C14orf39: variants seen among roughly 807,000 people sequenced by gnomAD.
The protein encoded by C14orf39 is protein SIX6OS1.
In C14orf39, 66 loss-of-function variants were observed where a neutral mutation model predicts 85.6. The observed-to-expected ratio is 0.77, with a 90% CI of 0.63 to 0.95. The LOEUF (loss-of-function observed/expected upper bound fraction) is 0.95, where lower values mean the gene tolerates loss of function less well. Among genes scored for constraint, C14orf39 ranks in the 40% least tolerant of loss-of-function variants. C14orf39 has a pLI of 0.00. For missense variants in C14orf39, 735 were observed against 663.9 expected, an observed-to-expected ratio of 1.11 and a Z score of -1.18; for synonymous variants, 242 against 214.0, an observed-to-expected ratio of 1.13 and a Z score of -1.14.
At chr14:60,503,638 T>C (rs1465287349) in intron 1 of C14orf39, among the ~76,000 whole-genome samples, 1 of 152,202 alleles carries the variant, frequency 6.6e-6, no homozygotes, top group Non-Finnish European at 1.5e-5. Flanking sequence ...CTTTCAACCA[T>C]TGTTCTCTGT....
chr14:60,513,697 C>T (rs1189029511), intron 1 of C14orf39, among the ~76,000 whole-genome samples: 1 of 152,168 alleles, frequency 6.6e-6, no homozygotes, highest in Non-Finnish European at 1.5e-5. Context: ...CTAAAAATCC[C>T]ACTCCACCCA....
In C14orf39 at chr14:60,491,535, A is replaced by G. The variant is rs1301646732; in HGVS notation, c.-8-6449T>C. Among the ~76,000 whole-genome samples the G allele has an allele frequency of 6.6e-6, 1 of 152,208 alleles. No individual in the cohort carries two copies. Among genetic ancestry groups the G allele is most frequent in the African/African-American group, 2.4e-5 (1 of 41,436 alleles). The stretch of plus-strand genomic sequence containing the variant: ...CTTCATCCTTTTCATTAATGAGACC[A>G]GAATCTATTTGTGCATACCAGAAAC... On this transcript the variant is annotated intron_variant, in intron 2 of 5. Transcript: ENST00000556799. The surrounding 1 kb of genome is among the most constrained non-coding windows in gnomAD (Gnocchi z 4.5).
chr14:60,438,842 T>C (rs1021031148), intron 17 of C14orf39, among the ~76,000 whole-genome samples: 1 of 152,096 alleles, frequency 6.6e-6, no homozygotes, highest in Non-Finnish European at 1.5e-5. Flanking sequence ...TGAGACACAC[T>C]GAGTTCCAGA....
chr14:60,468,786 T>C (rs12880313), intron 8 of C14orf39, among the ~76,000 whole-genome samples: 132,042 of 151,462 alleles, frequency 0.87, 58,053 homozygotes, highest in Non-Finnish European at 0.92. Flanking sequence ...AACAGATAAT[T>C]ATAAGCAAAG....
chr14:60,454,905 A>G, intron 16 of C14orf39, 96 bp downstream of exon 16: 1 of 943,526 alleles, frequency 1.1e-6, no homozygotes, highest in East Asian at 2.9e-5. Flanking sequence ...TTCTGTTGAT[A>G]ATCTGCCCCA....
chr14:60,441,726 A>G (rs766861067), intron 17 of C14orf39, among the ~76,000 whole-genome samples: 2 of 152,184 alleles, frequency 1.3e-5, no homozygotes, highest in Non-Finnish European at 2.9e-5. Context: ...AAGAATATCC[A>G]ATAAAAAGTA....
chr14:60,443,354 C>A (rs755462207), intron 16 of C14orf39, among the ~76,000 whole-genome samples: 6 of 152,206 alleles, frequency 3.9e-5, no homozygotes, highest in Non-Finnish European at 7.3e-5. Context: ...TAGCAACCAG[C>A]AGACCAGGAG....
chr14:60,456,985 A>G lies in C14orf39; in HGVS notation c.1290T>C (p.Thr430=), dbSNP rs753179285. The G allele has an allele frequency of 2.7e-5, 44 of 1,611,204 alleles. 1 individual carries two copies. In the Middle Eastern group the frequency reaches 5.0e-4, roughly 18 times the overall value. Residue 430 remains threonine, a synonymous_variant, in exon 15 of 18, where the codon ACT becomes ACC. Coordinates refer to ENST00000321731, the MANE Select transcript of C14orf39 (RefSeq NM_174978.3). ...RTSEIPIFLG[T]PKAVKAPESL... is the part of the protein sequence containing the mutation. ...ACTCAGGTGCTTTCACAGCTTTGGG[A>G]GTTCCTAAAAATATAGGAATTTCAG...
At chr14:60,439,930 C>G (rs1890429118) in intron 17 of C14orf39, among the ~76,000 whole-genome samples, 2 of 152,082 alleles carry the variant, frequency 1.3e-5, no homozygotes, top group South Asian at 4.1e-4. Flanking sequence ...AAAAAATTAG[C>G]TGGGCATGGT....
Position 60,507,997 on chromosome 14 carries a change from A to G in C14orf39, c.-144+7398T>C, listed in dbSNP as rs530010911. Among the ~76,000 whole-genome samples, 159 of 152,284 alleles carry G rather than the reference A, an allele frequency of 1.0e-3. 1 individual carries two copies. Among genetic ancestry groups the G allele is most frequent in the Admixed American group, 1.8e-3 (28 of 15,296 alleles). On this transcript the variant is annotated intron_variant, in intron 1 of 5. Coordinates refer to the C14orf39 transcript ENST00000556799. ...GATGTGGACTGCCAATTGGGAATCA[A>G]TAAAAGTTGCCAATTCACTCCACTA...
intron 2 of C14orf39, chr14:60,496,944 T>C (rs1355080618): frequency 2.6e-5 from 4 of 152,294 alleles, no homozygotes; most frequent in African/African-American, 9.6e-5. Flanking sequence ...CACAAGTTAT[T>C]GGAGCTGGGA....
At chr14:60,472,288 T>C (rs1892124700) in intron 5 of C14orf39, among the ~76,000 whole-genome samples, 1 of 152,102 alleles carries the variant, frequency 6.6e-6, no homozygotes, top group Non-Finnish European at 1.5e-5. Flanking sequence ...ATGAAGAAAA[T>C]TTTATCACAG....
At chr14:60,507,495 T>C (rs2140186003) in intron 1 of C14orf39, among the ~76,000 whole-genome samples, 1 of 152,322 alleles carries the variant, frequency 6.6e-6, no homozygotes, top group East Asian at 1.9e-4. Context: ...GAAAATGAAC[T>C]CTTAGAAAAG....
intron 1 of C14orf39, among the ~76,000 whole-genome samples, chr14:60,504,500 A>G (rs1893181505): frequency 6.6e-6 from 1 of 152,260 alleles, no homozygotes; most frequent in Non-Finnish European, 1.5e-5. Context: ...AAAATTGTCA[A>G]AAATAACCTG....
Position 60,458,763 on chromosome 14 carries a change from ATTTTTC to A in C14orf39, c.1118-30_1118-25del, listed in dbSNP as rs1186826116. On this transcript the variant is annotated intron_variant, in intron 13 of 17. Coordinates refer to ENST00000321731, the MANE Select transcript of C14orf39 (RefSeq NM_174978.3). The stretch of plus-strand genomic sequence containing the variant: ...ATCTGTTGTCATATGAGAACAAACT[ATTTTTC>A]TTTTTGTAATTTTATTGTAAAATAA... 3 of 1,545,882 alleles carry A rather than the reference ATTTTTC, an allele frequency of 1.9e-6. No individual in the cohort carries two copies. The African/African-American group carries it at 4.1e-5, about 21-fold the overall frequency.
In C14orf39 at chr14:60,504,305, T is replaced by A. The variant is rs140877875; in HGVS notation, c.-143-4875A>T. Among the ~76,000 whole-genome samples, 391 of 152,354 alleles carry A rather than the reference T, an allele frequency of 2.6e-3. 1 individual carries two copies. The highest frequency in any genetic ancestry group is 8.6e-3 in the African/African-American group (356 of 41,574). On this transcript the variant is annotated intron_variant, in intron 1 of 5. Transcript: ENST00000556799. Reference sequence around the variant, plus strand: ...TGCCTCTATTTGACTTTATAGTACTTAGAAGGAAATTATGATTTACTACAC... The same window carrying A: ...TGCCTCTATTTGACTTTATAGTACTAAGAAGGAAATTATGATTTACTACAC...
intron 14 of C14orf39, 39 bp downstream of exon 14, chr14:60,458,639 A>G: frequency 4.2e-6 from 6 of 1,444,124 alleles, no homozygotes; most frequent in Non-Finnish European, 5.8e-6. Context: ...TTAAATTGGA[A>G]TTTTTGCTTA....
At position 60,484,738 on chromosome 14, in the gene C14orf39, G is replaced by T; in HGVS notation, c.106+143C>A. ...GTTAAGTCACATCTATTTCGTCTAG[G>T]GTAAATAGTTTATTTGTCGCTAGAG... is the stretch of plus-strand genomic sequence containing the variant. On this transcript the variant is annotated intron_variant, in intron 3 of 17. Transcript: ENST00000321731. This position sits in a 1 kb window ranked among gnomAD's most constrained non-coding sequence, Gnocchi z 4.2. 1 of 592,466 alleles carries T rather than the reference G, an allele frequency of 1.7e-6. No homozygotes were observed. Among genetic ancestry groups the T allele is most frequent in the Non-Finnish European group, 2.9e-6 (1 of 340,280 alleles). 36.7% of individuals were successfully genotyped at this position (592,466 alleles called of 1,614,324 possible).
chr14:60,483,879 G>T, intron 3 of C14orf39, 62 bp from the exon 4 acceptor site: 1 of 1,220,978 alleles, frequency 8.2e-7, no homozygotes, highest in Non-Finnish European at 1.1e-6. Flanking sequence ...TAAACAAATA[G>T]AGAAAAAAAA....
Sources: gnomAD v4.1 joint callset for allele counts (sites outside exome capture counted in the v4.1 genomes callset) on GRCh38, gnomAD v4.1.1 for gene constraint, Gnocchi (gnomAD v3.1) non-coding constraint, MANE v1.5 for transcripts, NCBI Gene and HGNC (gene_info 2026-07-23, HGNC 2026-07-21) for gene names.